Variants in FNIP2 observed in about 807,000 individuals in gnomAD.
FNIP2 encodes the protein folliculin interacting protein 2, also known as folliculin-interacting protein 2.
In FNIP2, 32 loss-of-function variants were observed where a neutral mutation model predicts 108.7. The ratio of observed to expected loss-of-function variants is 0.29; its 90% CI spans 0.22 to 0.40. FNIP2 has a LOEUF of 0.40. Among genes scored for constraint, FNIP2 ranks in the 10% least tolerant of loss-of-function variants. The probability of loss-of-function intolerance (pLI) is 1.00; values close to 1 mark genes in which losing one functional copy is unlikely to be tolerated. For synonymous variants in FNIP2, 480 were observed against 496.7 expected, an observed-to-expected ratio of 0.97 and a Z score of 0.45; for missense variants, 1,202 against 1,381.6, an observed-to-expected ratio of 0.87 and a Z score of 2.06.
intron 14 of FNIP2, among the ~76,000 whole-genome samples, chr4:158,882,239 G>T (rs1418085712): frequency 6.7e-6 from 1 of 149,628 alleles, no homozygotes; most frequent in East Asian, 2.0e-4. Context: ...CAGCCGCCCC[G>T]TCTGAGAAGT....
chr4:158,809,169 A>T (rs189282966), intron 1 of FNIP2, among the ~76,000 whole-genome samples: 123 of 152,110 alleles, frequency 8.1e-4, no homozygotes, highest in African/African-American at 2.7e-3. Context: ...AAATCTAGTG[A>T]CTCTTTGCTG....
chr4:158,886,618 TAGG>T (rs1476981146), intron 14 of FNIP2, among the ~76,000 whole-genome samples: 1 of 152,244 alleles, frequency 6.6e-6, no homozygotes, highest in Non-Finnish European at 1.5e-5. Context: ...TCCATTCTAA[TAGG>T]AGAATTTGAT....
At chr4:158,883,434 G>A (rs1781825543) in intron 14 of FNIP2, among the ~76,000 whole-genome samples, 1 of 152,008 alleles carries the variant, frequency 6.6e-6, no homozygotes, top group South Asian at 2.1e-4. Context: ...GTAGAGACGG[G>A]GTTTCACCGT....
intron 1 of FNIP2, among the ~76,000 whole-genome samples, chr4:158,804,613 A>C (rs112702150): frequency 3.3e-5 from 5 of 151,982 alleles, no homozygotes; most frequent in Admixed American, 2.6e-4. Context: ...AGGTCTTGCT[A>C]TGTTGCCCAG....
intron 15 of FNIP2, chr4:158,893,816 T>C: frequency 1.3e-6 from 1 of 763,146 alleles, no homozygotes; most frequent in Admixed American, 2.6e-5. Flanking sequence ...CTTGTCACAG[T>C]TGATATCTTG....
At chr4:158,826,464 C>G (rs1442315727) in intron 2 of FNIP2, among the ~76,000 whole-genome samples, 1 of 152,218 alleles carries the variant, frequency 6.6e-6, no homozygotes, top group African/African-American at 2.4e-5. Flanking sequence ...ATAAGTAGCA[C>G]TGGGTTAAAC....
chr4:158,868,456 G>T lies in FNIP2; in HGVS notation c.1820G>T (p.Ser607Ile). ...GFPECPEGTD[S>I]RDLGLKPDKE... ...CCTGAGTGCCCAGAGGGCACTGACA[G>T]TAGAGACCTGGGTCTTAAACCTGAC... The change falls in exon 13 of 17, where the codon AGT (serine) becomes ATT (isoleucine). Residue 607 changes from serine to isoleucine, a missense_variant. Ser to Ile is a moderately radical substitution (Grantham distance 142, BLOSUM62 -2). Transcript: ENST00000264433. This position sits in a 1 kb window ranked among gnomAD's most constrained non-coding sequence, Gnocchi z 4.6. 1 of 1,614,062 alleles carries T rather than the reference G, an allele frequency of 6.2e-7. No homozygotes were observed. Among genetic ancestry groups the T allele is most frequent in the Non-Finnish European group, 8.5e-7 (1 of 1,179,902 alleles).
intron 14 of FNIP2, among the ~76,000 whole-genome samples, chr4:158,878,916 T>G (rs1400296587): frequency 7.4e-6 from 1 of 135,220 alleles, no homozygotes; most frequent in Non-Finnish European, 1.6e-5. Context: ...AAATTAAAAC[T>G]CCAGGTATAG....
At chr4:158,848,561 A>G (rs1779530033) in intron 7 of FNIP2, among the ~76,000 whole-genome samples, 1 of 152,196 alleles carries the variant, frequency 6.6e-6, no homozygotes, top group Non-Finnish European at 1.5e-5. Context: ...TTCAATGCCC[A>G]GACACTGACT....
At chr4:158,904,106 G>A (rs1487538251) in intron 16 of FNIP2, among the ~76,000 whole-genome samples, 1 of 152,200 alleles carries the variant, frequency 6.6e-6, no homozygotes, top group Non-Finnish European at 1.5e-5. Flanking sequence ...TTGACTGGAA[G>A]AATGAGTTTA....
In FNIP2 at chr4:158,825,997, G is replaced by C. The variant is rs776938219; in HGVS notation, c.189G>C (p.Leu63Phe). 10 of 1,608,986 alleles carry C rather than the reference G, an allele frequency of 6.2e-6. No individual in the cohort carries two copies. In the South Asian group the frequency reaches 1.1e-4, roughly 18 times the overall value. The change falls in exon 2 of 17, where the codon TTG becomes TTC. Residue 63 changes from leucine (L) to phenylalanine (F), a missense_variant. By Grantham distance (22) the Leu-to-Phe change is conservative. Coordinates refer to ENST00000264433, the MANE Select transcript of FNIP2 (RefSeq NM_020840.3). ...QDCDRRGRQV[L>F]FDSKAVQKIE... is the part of the protein sequence containing the mutation. Reference sequence around the variant, plus strand: ...GTGACAGGAGAGGCAGACAAGTCTTGTTTGACTCTAAAGCTGTTCAAAAGA... The same window carrying C: ...GTGACAGGAGAGGCAGACAAGTCTTCTTTGACTCTAAAGCTGTTCAAAAGA...
At chr4:158,789,308 T>C (rs1776324871) in intron 1 of FNIP2, among the ~76,000 whole-genome samples, 2 of 123,980 alleles carry the variant, frequency 1.6e-5, no homozygotes, top group Non-Finnish European at 3.8e-5. Context: ...AAAAGCAGTG[T>C]GTGTGTGTGT....
At chr4:158,802,712 A>T (rs1348092299) in intron 1 of FNIP2, among the ~76,000 whole-genome samples, 1 of 152,164 alleles carries the variant, frequency 6.6e-6, no homozygotes, top group East Asian at 1.9e-4. Flanking sequence ...CTTGGATTGG[A>T]GGTGGGTCCT....
chr4:158,859,295 G>T, intron 9 of FNIP2, 37 bp downstream of exon 9: 1 of 1,553,892 alleles, frequency 6.4e-7, no homozygotes, highest in South Asian at 1.2e-5. Flanking sequence ...ATAGAGAAGT[G>T]ATTGTGGGGC....
rs1729691485 is a variant in FNIP2, at chr4:158,904,857, G to A, written c.*313G>A. ...CTAAGCTGTTGCAACAGATTGCCTT[G>A]TGCTGTTTGGGCAGAATAAAGACAA... On this transcript the variant is annotated 3_prime_UTR_variant, in exon 17 of 17. Transcript: ENST00000264433. 2 of 287,208 alleles carry A rather than the reference G, an allele frequency of 7.0e-6. No individual in the cohort carries two copies. Among genetic ancestry groups the A allele is most frequent in the South Asian group, 5.2e-5 (1 of 19,308 alleles). 17.8% of individuals were successfully genotyped at this position (287,208 alleles called of 1,614,324 possible). A position where few individuals can be genotyped will look rare whatever the true frequency, so the allele number is the denominator to read the frequency against.
intron 6 of FNIP2, 102 bp from the exon 7 acceptor site, chr4:158,835,303 G>A (rs1276950520): frequency 2.3e-6 from 2 of 851,222 alleles, no homozygotes; most frequent in Non-Finnish European, 3.9e-6. Flanking sequence ...CCAATCATCA[G>A]TAGCAGTAGC....
chr4:158,846,510 T>G (rs1779412978), intron 7 of FNIP2, among the ~76,000 whole-genome samples: 1 of 152,194 alleles, frequency 6.6e-6, no homozygotes, highest in Non-Finnish European at 1.5e-5. Context: ...ACTAGGAGCC[T>G]GGACTCTTAC....
intron 16 of FNIP2, among the ~76,000 whole-genome samples, chr4:158,897,603 C>CT (rs569749424): frequency 5.6e-4 from 86 of 152,274 alleles, no homozygotes; most frequent in Non-Finnish European, 8.4e-4. Flanking sequence ...TGATGATGAG[C>CT]TTTTTTTCAT....
At chr4:158,845,418 T>C (rs1779347118) in intron 7 of FNIP2, among the ~76,000 whole-genome samples, 1 of 152,176 alleles carries the variant, frequency 6.6e-6, no homozygotes, top group Non-Finnish European at 1.5e-5. Flanking sequence ...GTCTTGTCTT[T>C]TTCTTTTTAA....
Sources: allele counts gnomAD v4.1 joint callset (sites outside exome capture counted in the v4.1 genomes callset), GRCh38; gene constraint gnomAD v4.1.1; non-coding constraint Gnocchi (gnomAD v3.1); transcripts MANE v1.5; gene names NCBI Gene and HGNC (gene_info 2026-07-23, HGNC 2026-07-21).